The following RGS5 variants were observed in gnomAD, a reference collection of about 807,000 sequenced individuals.
RGS5 encodes the protein regulator of G-protein signalling 5.
A neutral mutation model predicts 18.9 loss-of-function variants in RGS5; 20 were observed. The ratio of observed to expected loss-of-function variants is 1.06; its 90% CI spans 0.74 to 1.54. The LOEUF (loss-of-function observed/expected upper bound fraction) is 1.54, where lower values mean the gene tolerates loss of function less well. Ranked by LOEUF, RGS5 falls within the 40% of genes most tolerant of loss-of-function variation. RGS5 has a pLI of 0.00. For synonymous variants in RGS5, 57 were observed against 76.2 expected (o/e 0.75, Z 1.31); for missense variants, 201 against 211.8 (o/e 0.95, Z 0.32).
intron 1 of RGS5, among the ~76,000 whole-genome samples, chr1:163,307,333 A>C (rs1222954024): frequency 1.3e-5 from 2 of 152,344 alleles, no homozygotes; most frequent in Non-Finnish European, 2.9e-5. Context: ...CTAGGGGTCT[A>C]CATTGCCAAG....
exon 1 of RGS5, chr1:163,217,559 G>A (rs1324621611): frequency 3.9e-6 from 6 of 1,547,048 alleles, no homozygotes; most frequent in Non-Finnish European, 5.2e-6. Flanking sequence ...GCATCTGTAA[G>A]ATGAGAATAT....
rs538805326 is a variant in RGS5, at chr1:163,198,868, C to T, written c.44+3924G>A. ...GTTTGTTTTTAGAGACAGGGTCTCC[C>T]TGTGTTGCCCAGGCTGCCCTTAAAC... On this transcript the variant is annotated intron_variant, in intron 1 of 4. Transcript: ENST00000313961. Among the ~76,000 whole-genome samples, 7 of 152,094 alleles carry T rather than the reference C, an allele frequency of 4.6e-5. No homozygotes were observed. The South Asian group carries it at 8.3e-4, about 18-fold the overall frequency.
Position 163,143,386 on chromosome 1 carries a change from A to G in RGS5, c.*3956T>C, listed in dbSNP as rs1439235999. On this transcript the variant is annotated 3_prime_UTR_variant, in exon 5 of 5. Coordinates refer to ENST00000313961, the MANE Select transcript of RGS5 (RefSeq NM_003617.4). ...TTGGATGTTGGAGATTACATTTTCT[A>G]TTCTCTGCTTTCTGGCACATGCAAG... is the stretch of plus-strand genomic sequence containing the variant. 2.6e-5 allele frequency: 4 copies of G among 152,142 alleles called. No homozygotes were observed. Among genetic ancestry groups the G allele is most frequent in the South Asian group, 2.1e-4 (1 of 4,830 alleles). The allele number at this position is 152,142 out of a possible 1,614,324, so 9.4% of individuals were successfully genotyped here.
At chr1:163,230,196 G>T (rs1164069843) in intron 2 of RGS5, among the ~76,000 whole-genome samples, 1 of 152,128 alleles carries the variant, frequency 6.6e-6, no homozygotes, top group Non-Finnish European at 1.5e-5. Context: ...TTTGATCTGG[G>T]AGTCAAAAGA....
intron 2 of RGS5, among the ~76,000 whole-genome samples, chr1:163,302,511 C>T (rs775000862): frequency 2.1e-4 from 32 of 152,164 alleles, no homozygotes; most frequent in Non-Finnish European, 2.5e-4. Flanking sequence ...TCTCCCTTGT[C>T]GCTACTGGTA....
At position 163,144,619 on chromosome 1, in the gene RGS5, C is replaced by T. The variant is rs1657059085; in HGVS notation, c.*2723G>A. 6.6e-6 allele frequency: 1 copy of T among 152,568 alleles called. No individual in the cohort carries two copies. Among genetic ancestry groups the T allele is most frequent in the Admixed American group, 6.6e-5 (1 of 15,256 alleles). 9.5% of individuals were successfully genotyped at this position (152,568 alleles called of 1,614,324 possible). ...AGCTTCATGCTTTCCCAGACATTTA[C>T]TCAAGGGAACGTGGAGAGGAGGAGG... On this transcript the variant is annotated 3_prime_UTR_variant, in exon 5 of 5. Transcript: ENST00000313961.
chr1:163,239,869 GA>G (rs1290953517), intron 2 of RGS5, among the ~76,000 whole-genome samples: 1 of 152,020 alleles, frequency 6.6e-6, no homozygotes, highest in Non-Finnish European at 1.5e-5. Flanking sequence ...AGATTGATCT[GA>G]AAAAAGTGTT....
chr1:163,297,555 C>T (rs1649452153), intron 2 of RGS5, among the ~76,000 whole-genome samples: 2 of 152,078 alleles, frequency 1.3e-5, no homozygotes, highest in South Asian at 4.1e-4. Context: ...TGGGTCTTTC[C>T]CTACATCCTT....
upstream of RGS5, chr1:163,203,143 C>T (rs891616583): frequency 1.7e-5 from 5 of 302,802 alleles, no homozygotes; most frequent in East Asian, 3.4e-4. Context: ...CAGGGTTAGG[C>T]CCTAAACTGT....
Position 163,301,491 on chromosome 1 carries a change from C to G in RGS5, c.-281+4742G>C, listed in dbSNP as rs532332891. Among the ~76,000 whole-genome samples the G allele has an allele frequency of 3.9e-5, 6 of 152,224 alleles. No homozygotes were observed. In the South Asian group the frequency reaches 8.3e-4, roughly 21 times the overall value. The stretch of plus-strand genomic sequence containing the variant: ...GGAACTACGGGTGTGTGCCACCACA[C>G]CCAGTTAAGTTTTGTATTTTTTGCA... On this transcript the variant is annotated intron_variant, in intron 2 of 5. Transcript: ENST00000618415.
chr1:163,210,729 CCTTT>C (rs1660085539), intron 1 of RGS5: 1 of 152,168 alleles, frequency 6.6e-6, no homozygotes. Flanking sequence ...ATTGAAATTA[CCTTT>C]TTTTAAAAAA....
intron 3 of RGS5, among the ~76,000 whole-genome samples, chr1:163,158,368 G>A (rs973432160): frequency 3.3e-5 from 5 of 152,110 alleles, no homozygotes; most frequent in Admixed American, 6.5e-5. Context: ...AAGAAGAAGA[G>A]AGCAATAGAG....
At chr1:163,185,606 G>A (rs1164029087) in intron 1 of RGS5, among the ~76,000 whole-genome samples, 1 of 152,100 alleles carries the variant, frequency 6.6e-6, no homozygotes, top group East Asian at 1.9e-4. Context: ...TTTCATGGGA[G>A]TCCCATTCTT....
At chr1:163,246,529 C>T (rs982637771) in intron 2 of RGS5, among the ~76,000 whole-genome samples, 1 of 152,102 alleles carries the variant, frequency 6.6e-6, no homozygotes, top group African/African-American at 2.4e-5. Context: ...CTAGATTGTG[C>T]CACTGCACTC....
At chr1:163,159,672 CT>C (rs1162699578) in intron 3 of RGS5, among the ~76,000 whole-genome samples, 1 of 152,084 alleles carries the variant, frequency 6.6e-6, no homozygotes, top group Non-Finnish European at 1.5e-5. Flanking sequence ...TAAATGCTTT[CT>C]TATTTGTTGC....
intron 2 of RGS5, chr1:163,237,273 G>T: frequency 6.4e-6 from 1 of 155,304 alleles, no homozygotes. Context: ...GGAGTAGGCT[G>T]CCTTCCGAAG....
At chr1:163,180,983 C>T (rs570517809) in intron 1 of RGS5, among the ~76,000 whole-genome samples, 7 of 152,156 alleles carry the variant, frequency 4.6e-5, no homozygotes, top group Non-Finnish European at 1.0e-4. Context: ...CGTGAGCCAC[C>T]GCGCCCGCCC....
intron 1 of RGS5, among the ~76,000 whole-genome samples, chr1:163,197,451 T>C (rs973526450): frequency 9.2e-5 from 14 of 152,214 alleles, no homozygotes; most frequent in African/African-American, 3.4e-4. Context: ...CTTGGCACTT[T>C]ATGGATATAT....
intron 2 of RGS5, among the ~76,000 whole-genome samples, chr1:163,294,889 T>C (rs1377078254): frequency 6.6e-6 from 1 of 152,176 alleles, no homozygotes; most frequent in Non-Finnish European, 1.5e-5. Context: ...CTCTTTCAAG[T>C]TCAAAGTTCC....
Sources: gnomAD v4.1 joint callset for allele counts (sites outside exome capture counted in the v4.1 genomes callset) on GRCh38, gnomAD v4.1.1 for gene constraint, MANE v1.5 for transcripts, NCBI Gene and HGNC (gene_info 2026-07-23, HGNC 2026-07-21) for gene names.